GRM1: variants seen among roughly 807,000 people sequenced by gnomAD.
GRM1 encodes metabotropic glutamate receptor 1.
A neutral mutation model predicts 90.9 loss-of-function variants in GRM1; 33 were observed. The observed-to-expected ratio is 0.36, with a 90% CI of 0.28 to 0.49. GRM1 has a LOEUF of 0.49. GRM1 is among the 20% of genes least tolerant of loss of function. GRM1 has a pLI of 0.99. For missense variants in GRM1, 1,190 were observed against 1,534.3 expected, an observed-to-expected ratio of 0.78 and a Z score of 3.75; for synonymous variants, 700 against 613.2, an observed-to-expected ratio of 1.14 and a Z score of -2.09.
chr6:146,163,995 C>T (rs898385201), intron 2 of GRM1, among the ~76,000 whole-genome samples: 1 of 152,088 alleles, frequency 6.6e-6, no homozygotes, highest in East Asian at 1.9e-4. Context: ...TAGAAGTCAA[C>T]TTGGAATGAG....
intron 6 of GRM1, among the ~76,000 whole-genome samples, chr6:146,397,823 T>C (rs994554568): frequency 3.3e-5 from 5 of 152,250 alleles, no homozygotes; most frequent in African/African-American, 4.8e-5. Context: ...GTTGATTGAC[T>C]GACAGGTTTA....
chr6:146,167,172 T>C (rs114869517), intron 2 of GRM1, among the ~76,000 whole-genome samples: 69 of 152,278 alleles, frequency 4.5e-4, no homozygotes, highest in African/African-American at 1.6e-3. Context: ...TTTCTTTCAA[T>C]TGACAAAATA....
At chr6:146,114,776 CTATA>C (rs1435903952) in intron 1 of GRM1, among the ~76,000 whole-genome samples, 1 of 152,054 alleles carries the variant, frequency 6.6e-6, no homozygotes, top group Non-Finnish European at 1.5e-5. Flanking sequence ...AACAAATAGA[CTATA>C]TAAACTACAT....
intron 2 of GRM1, among the ~76,000 whole-genome samples, chr6:146,249,689 C>G (rs1781203869): frequency 4.6e-5 from 7 of 152,172 alleles, no homozygotes; most frequent in Admixed American, 3.9e-4. Context: ...AGCCCCCATA[C>G]AGAGTTCCCA....
At position 146,434,690 on chromosome 6, in the gene GRM1, C is replaced by T; in HGVS notation, c.3479C>T (p.Ser1160Leu). 1 of 1,605,150 alleles carries T rather than the reference C, an allele frequency of 6.2e-7. No homozygotes were observed. The highest frequency in any genetic ancestry group is 8.5e-7 in the Non-Finnish European group (1 of 1,179,856). Residue 1160 changes from serine (S) to leucine (L), a missense_variant, in exon 8 of 8, where the codon TCG becomes TTG. Coordinates refer to ENST00000282753, the MANE Select transcript of GRM1 (RefSeq NM_001278064.2). Reference protein sequence around the residue: ...PFRDSVASGSSVPSSPVSESV... With the variant: ...PFRDSVASGSLVPSSPVSESV... ...CGCGACTCGGTGGCCTCGGGCAGCT[C>T]GGTGCCCAGCTCCCCCGTGTCCGAG...
chr6:146,203,056 T>C (rs928078870), intron 2 of GRM1, among the ~76,000 whole-genome samples: 1 of 151,800 alleles, frequency 6.6e-6, no homozygotes, highest in Non-Finnish European at 1.5e-5. Context: ...TAGCCGGGCG[T>C]GGTGCCGGGC....
chr6:146,309,177 T>C (rs973087523), intron 3 of GRM1, among the ~76,000 whole-genome samples: 1 of 152,108 alleles, frequency 6.6e-6, no homozygotes, highest in African/African-American at 2.4e-5. Context: ...GGTGGGCAGA[T>C]GGCTTGAGGT....
At chr6:146,296,231 A>T (rs769884484) in intron 2 of GRM1, among the ~76,000 whole-genome samples, 31 of 152,220 alleles carry the variant, frequency 2.0e-4, no homozygotes, top group Non-Finnish European at 4.3e-4. Context: ...CTAGATATAT[A>T]CCCAGTAATG....
chr6:146,175,039 A>T (rs2114523302), intron 2 of GRM1, among the ~76,000 whole-genome samples: 1 of 152,310 alleles, frequency 6.6e-6, no homozygotes, highest in Middle Eastern at 3.4e-3. Flanking sequence ...GTCTTTGGTA[A>T]CTAATTGTGG....
chr6:146,434,707 G>C lies in GRM1; in HGVS notation c.3496G>C (p.Val1166Leu). Reference protein sequence around the residue: ...ASGSSVPSSPVSESVLCTPPN... With the variant: ...ASGSSVPSSPLSESVLCTPPN... ...GGGCAGCTCGGTGCCCAGCTCCCCC[G>C]TGTCCGAGTCGGTGCTCTGCACCCC... The change falls in exon 8 of 8, where the codon GTG becomes CTG. Residue 1166 changes from valine (V) to leucine (L), a missense_variant. By Grantham distance (32) the Val-to-Leu change is conservative. Transcript: ENST00000282753. The C allele has an allele frequency of 6.2e-7, 1 of 1,602,864 alleles. No homozygotes were observed.
chr6:146,143,564 C>G (rs1453910984), intron 1 of GRM1, among the ~76,000 whole-genome samples: 1 of 152,076 alleles, frequency 6.6e-6, no homozygotes, highest in African/African-American at 2.4e-5. Context: ...TATCTTGTTC[C>G]CTGTTTTTCA....
At chr6:146,203,626 A>G (rs1469142778) in intron 2 of GRM1, among the ~76,000 whole-genome samples, 2 of 152,170 alleles carry the variant, frequency 1.3e-5, no homozygotes, top group Non-Finnish European at 2.9e-5. Flanking sequence ...TTTCTCTACC[A>G]TGGCCAGACT....
At chr6:146,245,480 T>C (rs1454294355) in intron 2 of GRM1, among the ~76,000 whole-genome samples, 1 of 152,184 alleles carries the variant, frequency 6.6e-6, no homozygotes, top group Admixed American at 6.6e-5. Flanking sequence ...ATAATTACTA[T>C]TTATTGATAC....
chr6:146,119,219 A>T (rs960547714), intron 1 of GRM1, among the ~76,000 whole-genome samples: 2 of 152,080 alleles, frequency 1.3e-5, no homozygotes, highest in African/African-American at 4.8e-5. Flanking sequence ...TCATTTGTCT[A>T]TTGGCTGCAT....
In GRM1 at chr6:146,223,443, C is replaced by T. The variant is rs575106385; in HGVS notation, c.950+63846C>T. 7.2e-5 allele frequency among the ~76,000 whole-genome samples: 11 copies of T among 152,036 alleles called. No homozygotes were observed. The South Asian group carries it at 1.7e-3, about 23-fold the overall frequency. Reference sequence around the variant, plus strand: ...GATTGAGGTAGGGTAGACCTGTGACCGACCACAGGCAAGTAGTTTAAAGAC... The same window carrying T: ...GATTGAGGTAGGGTAGACCTGTGACTGACCACAGGCAAGTAGTTTAAAGAC... On this transcript the variant is annotated intron_variant, in intron 2 of 7. Coordinates refer to ENST00000282753, the MANE Select transcript of GRM1 (RefSeq NM_001278064.2).
chr6:146,128,851 T>C (rs1486376076), intron 1 of GRM1, among the ~76,000 whole-genome samples: 1 of 152,102 alleles, frequency 6.6e-6, no homozygotes, highest in Non-Finnish European at 1.5e-5. Flanking sequence ...TCCTTGGCCA[T>C]TTCCCTAAAA....
At chr6:146,188,942 T>C (rs544975570) in intron 2 of GRM1, among the ~76,000 whole-genome samples, 4 of 152,200 alleles carry the variant, frequency 2.6e-5, no homozygotes, top group Non-Finnish European at 5.9e-5. Flanking sequence ...AATCCAATTG[T>C]TGAAAACATA....
At chr6:146,322,574 C>CTTTTCTTTTCTTTTATTTTATTTTA (rs375962682) in intron 3 of GRM1, among the ~76,000 whole-genome samples, 4 of 144,876 alleles carry the variant, frequency 2.8e-5, no homozygotes, top group African/African-American at 1.1e-4. Flanking sequence ...TGCTGCCTTT[C>CTTTTCTTTTCTTTTATTTTATTTTA]TTTTATTTTA....
intron 1 of GRM1, among the ~76,000 whole-genome samples, chr6:146,142,078 T>C (rs1776899363): frequency 6.6e-6 from 1 of 152,212 alleles, no homozygotes; most frequent in Admixed American, 6.5e-5. Context: ...ATCTAAGTTT[T>C]TGGTCATTGC....
Sources: allele counts gnomAD v4.1 joint callset (sites outside exome capture counted in the v4.1 genomes callset), GRCh38; gene constraint gnomAD v4.1.1; transcripts MANE v1.5; gene names NCBI Gene and HGNC (gene_info 2026-07-23, HGNC 2026-07-21).